USP25: variants seen among roughly 807,000 people sequenced by gnomAD.
USP25 encodes ubiquitin specific peptidase 25.
A neutral mutation model predicts 158.5 loss-of-function variants in USP25; 85 were observed. The ratio of observed to expected loss-of-function variants is 0.54; its 90% CI spans 0.45 to 0.64. USP25 has a LOEUF of 0.64. USP25 is among the 30% of genes least tolerant of loss of function. The probability of loss-of-function intolerance (pLI) is 0.00; values close to 1 mark genes in which losing one functional copy is unlikely to be tolerated. For synonymous variants in USP25, 464 were observed against 460.4 expected, an observed-to-expected ratio of 1.01 and a Z score of -0.10; for missense variants, 1,242 against 1,327.3, an observed-to-expected ratio of 0.94 and a Z score of 1.00.
chr21:15,762,677 C>A (rs1250079283), intron 1 of USP25, among the ~76,000 whole-genome samples: 5 of 152,086 alleles, frequency 3.3e-5, no homozygotes, highest in Non-Finnish European at 5.9e-5. Context: ...CTTTTCGAAA[C>A]GTGAGAATGA....
chr21:15,829,189 A>G (rs2037677147), intron 14 of USP25, among the ~76,000 whole-genome samples: 1 of 152,054 alleles, frequency 6.6e-6, no homozygotes. Context: ...GTTCAGGGGT[A>G]CATGTGCAGG....
chr21:15,878,276 GTTAGAT>G (rs1568923671), intron 25 of USP25, 21 bp from the exon 26 acceptor site: 1 of 1,594,166 alleles, frequency 6.3e-7, no homozygotes, highest in South Asian at 1.1e-5. Context: ...TCTATCTTTA[GTTAGAT>G]TTAATTGTTT....
In USP25 at chr21:15,879,937, T is replaced by G. The variant is rs1329361429; in HGVS notation, c.*1462T>G. ...TATCAAAATATGTTTGGGTTTAGAT[T>G]TTAAGTTGTCTACTGAGCAGATTTC... On this transcript the variant is annotated 3_prime_UTR_variant, in exon 26 of 26. Coordinates refer to ENST00000400183, the MANE Select transcript of USP25 (RefSeq NM_001283041.3). 4.6e-5 allele frequency: 7 copies of G among 152,232 alleles called. No individual in the cohort carries two copies. The highest frequency in any genetic ancestry group is 8.8e-5 in the Non-Finnish European group (6 of 68,030). The allele number at this position is 152,232 out of a possible 1,614,324, so 9.4% of individuals were successfully genotyped here. A position where few individuals can be genotyped will look rare whatever the true frequency, so the allele number is the denominator to read the frequency against.
chr21:15,842,252 T>C, intron 17 of USP25, 146 bp from the exon 18 acceptor site: 1 of 739,396 alleles, frequency 1.4e-6, no homozygotes, highest in Non-Finnish European at 2.0e-6. Flanking sequence ...GAAGAAGTGC[T>C]ATACGTGGAA....
intron 4 of USP25, among the ~76,000 whole-genome samples, chr21:15,780,664 T>G (rs1390505014): frequency 1.3e-5 from 2 of 152,212 alleles, no homozygotes; most frequent in Non-Finnish European, 2.9e-5. Context: ...TCTTGTTATC[T>G]TCAGCCTGGA....
chr21:15,832,206 T>C (rs559659116), intron 16 of USP25, among the ~76,000 whole-genome samples: 1 of 152,352 alleles, frequency 6.6e-6, no homozygotes, highest in Admixed American at 6.5e-5. Context: ...TCCTGGCATC[T>C]GTCTACTGGG....
At chr21:15,867,326 ATAAT>A (rs1178306983) in intron 22 of USP25, among the ~76,000 whole-genome samples, 1 of 151,854 alleles carries the variant, frequency 6.6e-6, no homozygotes, top group Non-Finnish European at 1.5e-5. Context: ...GATTCCCTAA[ATAAT>A]TAGTGTAATT....
At chr21:15,771,361 G>C (rs1376625323) in intron 3 of USP25, among the ~76,000 whole-genome samples, 2 of 152,054 alleles carry the variant, frequency 1.3e-5, no homozygotes, top group Non-Finnish European at 2.9e-5. Context: ...TGATGGGGGT[G>C]TGCTTGTGGG....
rs551325204 is a variant in USP25, at chr21:15,804,128, CCTT to C, written c.643-989_643-987del. Among the ~76,000 whole-genome samples, 24 of 151,848 alleles carry C rather than the reference CCTT, an allele frequency of 1.6e-4. No homozygotes were observed. In the South Asian group the frequency reaches 5.0e-3, roughly 31 times the overall value. On this transcript the variant is annotated intron_variant, in intron 6 of 25. Transcript: ENST00000400183. ...TGAATTATGTTATTTTTTAAAATTTCCTTCTTGTTTTAAAATACATTGTTAGTG... is the reference window on the plus strand; with the variant it reads ...TGAATTATGTTATTTTTTAAAATTTCCTTGTTTTAAAATACATTGTTAGTG...
rs552176980 is a variant in USP25, at chr21:15,878,623, T to C, written c.*148T>C. 4 of 771,290 alleles carry C rather than the reference T, an allele frequency of 5.2e-6. No homozygotes were observed. Among genetic ancestry groups the C allele is most frequent in the South Asian group, 3.2e-5 (1 of 31,056 alleles). 47.8% of individuals were successfully genotyped at this position (771,290 alleles called of 1,614,324 possible). ...AAAGACAAAATGACTATACAGACTT[T>C]AGTCAGACTGCAGACAATAAAGCTG... On this transcript the variant is annotated 3_prime_UTR_variant, in exon 26 of 26. Coordinates refer to ENST00000400183, the MANE Select transcript of USP25 (RefSeq NM_001283041.3).
chr21:15,842,539 C>A lies in USP25; in HGVS notation c.2336C>A (p.Ser779Ter). 2 of 1,612,888 alleles carry A rather than the reference C, an allele frequency of 1.2e-6. No homozygotes were observed. Among genetic ancestry groups the A allele is most frequent in the East Asian group, 2.2e-5 (1 of 44,846 alleles). ...EDKSPETVLQ[S>*]KPENTTSQPL... Reference sequence around the variant, plus strand: ...AAAAGTCCTGAAACAGTTTTGCAGTCGGTAAGAACTTTTCTTTTGGCTCTC... The same window carrying A: ...AAAAGTCCTGAAACAGTTTTGCAGTAGGTAAGAACTTTTCTTTTGGCTCTC... The change falls in exon 18 of 26, where the codon TCG becomes TAG. Residue 779 changes from serine (S) to a stop codon, truncating the protein, a stop_gained and splice_region_variant. Coordinates refer to ENST00000400183, the MANE Select transcript of USP25 (RefSeq NM_001283041.3). LOFTEE classifies it high-confidence loss of function.
intron 4 of USP25, among the ~76,000 whole-genome samples, chr21:15,787,759 C>G (rs552811732): frequency 6.6e-6 from 1 of 151,516 alleles, no homozygotes; most frequent in East Asian, 1.9e-4. Context: ...TTGATCTATA[C>G]AGCTTAAAGT....
At chr21:15,804,989 A>G (rs2036308841) in intron 6 of USP25, 132 bp from the exon 7 acceptor site, 3 of 898,786 alleles carry the variant, frequency 3.3e-6, no homozygotes, top group Admixed American at 7.8e-5. Context: ...CAATTATGAT[A>G]GAGTGCTAAT....
At chr21:15,785,795 G>A (rs955675355) in intron 4 of USP25, among the ~76,000 whole-genome samples, 8 of 151,830 alleles carry the variant, frequency 5.3e-5, no homozygotes, top group African/African-American at 1.7e-4. Flanking sequence ...TGGTAGGATG[G>A]AAATAATAAA....
At chr21:15,851,783 A>G (rs2038899563) in intron 20 of USP25, among the ~76,000 whole-genome samples, 1 of 151,876 alleles carries the variant, frequency 6.6e-6, no homozygotes. Flanking sequence ...TGGGACATCT[A>G]TTCTGGAGCT....
chr21:15,824,575 TTTTG>T lies in USP25; in HGVS notation c.1209-387_1209-384del, dbSNP rs1043340359. On this transcript the variant is annotated intron_variant, in intron 11 of 25. Transcript: ENST00000400183. ...CTTCCTGTTTTCCTGTCTTTCTTTC[TTTTG>T]TTTTTTTCTGTCTGTCTTTCTGTCT... 2.6e-4 allele frequency among the ~76,000 whole-genome samples: 40 copies of T among 151,482 alleles called. No homozygotes were observed. The South Asian group carries it at 7.9e-3, about 30-fold the overall frequency.
At chr21:15,806,844 T>G (rs1322519425) in intron 7 of USP25, among the ~76,000 whole-genome samples, 1 of 152,210 alleles carries the variant, frequency 6.6e-6, no homozygotes, top group African/African-American at 2.4e-5. Context: ...ATATTTCAAA[T>G]ACATCATCTT....
At chr21:15,775,557 C>CA (rs963631297) in intron 3 of USP25, among the ~76,000 whole-genome samples, 1 of 152,126 alleles carries the variant, frequency 6.6e-6, no homozygotes, top group African/African-American at 2.4e-5. Context: ...AACAGGAAGC[C>CA]AGGATTAGGT....
intron 5 of USP25, among the ~76,000 whole-genome samples, chr21:15,793,966 G>T (rs545091551): frequency 4.6e-5 from 7 of 151,508 alleles, no homozygotes; most frequent in African/African-American, 1.7e-4. Context: ...ATGAAAAGTT[G>T]GGCCAAAAAT....
Sources: gnomAD v4.1 joint callset for allele counts (sites outside exome capture counted in the v4.1 genomes callset) on GRCh38, gnomAD v4.1.1 for gene constraint, MANE v1.5 for transcripts, NCBI Gene and HGNC (gene_info 2026-07-23, HGNC 2026-07-21) for gene names.